RSRP1: variants seen among roughly 807,000 people sequenced by gnomAD.
RSRP1 encodes arginine/serine-rich protein 1.
RSRP1 carries 37 observed loss-of-function variants against 33.0 expected under a neutral mutation model. The observed-to-expected ratio is 1.12, with a 90% confidence interval of 0.86 to 1.48. The LOEUF (loss-of-function observed/expected upper bound fraction) is 1.48, where lower values mean the gene tolerates loss of function less well. Ranked by LOEUF, RSRP1 falls within the 40% of genes most tolerant of loss-of-function variation. RSRP1 has a pLI of 0.00. For missense variants in RSRP1, 402 were observed against 385.3 expected (o/e 1.04, Z -0.36); for synonymous variants, 167 against 158.7 (o/e 1.05, Z -0.40).
chr1:25,287,785 A>C (rs1642166829), intron 1 of RSRP1, among the ~76,000 whole-genome samples: 1 of 134,902 alleles, frequency 7.4e-6, no homozygotes, highest in Non-Finnish European at 1.8e-5. Flanking sequence ...GCAGTGGTAC[A>C]ATCATAGCTC....
intron 1 of RSRP1, chr1:25,337,117 G>C (rs530317392): frequency 8.2e-5 from 13 of 158,472 alleles, no homozygotes; most frequent in Non-Finnish European, 1.4e-4. Flanking sequence ...GTGTTCTTTC[G>C]GGTGCACCAT....
In RSRP1 at chr1:25,330,760, C is replaced by T. The variant is rs1207083275; in HGVS notation, c.-67+7218G>A. On this transcript the variant is annotated intron_variant, in intron 1 of 1. Transcript: ENST00000561867. ...TCTGCTTGGGCTACCATAACAGCAG[C>T]TTAAACTGTTGTTTAGCCACTCAGA... 2.3e-5 allele frequency among the ~76,000 whole-genome samples: 3 copies of T among 130,350 alleles called. 1 individual carries two copies. The highest frequency in any genetic ancestry group is 5.4e-5 in the Non-Finnish European group (3 of 55,392). The allele number at this position is 130,350 out of a possible 152,430, so 85.5% of individuals were successfully genotyped here.
rs753029645 is a variant in RSRP1 at position 25,242,638 on chromosome 1, G to C, written c.824C>G (p.Pro275Arg). 13 of 1,612,166 alleles carry C rather than the reference G, an allele frequency of 8.1e-6. No individual in the cohort carries two copies. Among genetic ancestry groups the C allele is most frequent in the Non-Finnish European group, 2.5e-6 (3 of 1,179,572 alleles). ...TGGACTTTTTTTCTGATCTATTTTTGGTGATCTTGAAGATGCCTCTTCTGT... is the reference window on the plus strand; with the variant it reads ...TGGACTTTTTTTCTGATCTATTTTTCGTGATCTTGAAGATGCCTCTTCTGT... The part of the protein sequence containing the change: ...AATEEASSRS[P>R]KIDQKKSPYG... The change falls in exon 5 of 5, where the codon CCA (proline) becomes CGA (arginine). Residue 275 changes from proline to arginine, a missense_variant. Coordinates refer to ENST00000243189, the MANE Select transcript of RSRP1 (RefSeq NM_020317.5).
chr1:25,307,028 G>T lies in RSRP1; in HGVS notation c.-67+30950C>A, dbSNP rs185741798. On this transcript the variant is annotated intron_variant, in intron 1 of 1. Coordinates refer to the RSRP1 transcript ENST00000561867. The stretch of plus-strand genomic sequence containing the variant: ...GGTCAAATAGGCCCAAGCCAATTGA[G>T]ACTGTGGTTCAGGTCGTGATGCAGA... 3 of 365,840 alleles carry T rather than the reference G, an allele frequency of 8.2e-6. 1 individual carries two copies. The highest frequency in any genetic ancestry group is 1.7e-5 in the Non-Finnish European group (3 of 177,706). 22.7% of individuals were successfully genotyped at this position (365,840 alleles called of 1,614,324 possible).
chr1:25,315,497 C>CTTT, intron 1 of RSRP1, among the ~76,000 whole-genome samples: 1 of 120,922 alleles, frequency 8.3e-6, no homozygotes, highest in South Asian at 2.4e-4. Flanking sequence ...TCTTTTCTTT[C>CTTT]TTTCTTTTTT....
At chr1:25,257,904 C>T (rs1305124574) in intron 1 of RSRP1, among the ~76,000 whole-genome samples, 3 of 152,172 alleles carry the variant, frequency 2.0e-5, no homozygotes, top group Non-Finnish European at 4.4e-5. Flanking sequence ...AGCCACCATA[C>T]CTGGCCCACA....
chr1:25,262,147 C>T (rs1375070837), intron 1 of RSRP1, among the ~76,000 whole-genome samples: 4 of 152,060 alleles, frequency 2.6e-5, no homozygotes, highest in Non-Finnish European at 4.4e-5. Flanking sequence ...AACTATAGTC[C>T]CTGTTATTAA....
rs1178739465 is a variant in RSRP1, at chr1:25,272,643, C to T, written c.-66-25614G>A. ...TCATTCTCCTCTTCTATTTTTTTAC[C>T]CACTATGACGCTTCCTTAGAGGATC... On this transcript the variant is annotated intron_variant, in intron 1 of 1. Transcript: ENST00000561867. 4 of 1,570,780 alleles carry T rather than the reference C, an allele frequency of 2.5e-6. 1 individual carries two copies. In the African/African-American group the frequency reaches 5.5e-5, roughly 22 times the overall value.
At chr1:25,253,998 T>C (rs1639871739) in intron 1 of RSRP1, 1 of 152,230 alleles carries the variant, frequency 6.6e-6, no homozygotes, top group African/African-American at 2.4e-5. Context: ...TTGTTGATCT[T>C]AGATCAGAGA....
In RSRP1 at chr1:25,300,346, T is replaced by C. The variant is rs1384878607; in HGVS notation, c.-67+37632A>G. ...GAGCAACATAGCAAGATTCCATCTT[T>C]ACACAAAATTTAAAAATTGGCCAGG... On this transcript the variant is annotated intron_variant, in intron 1 of 1. Transcript: ENST00000561867. Among the ~76,000 whole-genome samples the C allele has an allele frequency of 5.4e-5, 7 of 129,458 alleles. 2 individuals are homozygous for C. Among genetic ancestry groups the C allele is most frequent in the Admixed American group, 5.2e-4 (7 of 13,346 alleles). The allele number at this position is 129,458 out of a possible 152,430, so 84.9% of individuals were successfully genotyped here.
chr1:25,286,357 T>C (rs1287509760), intron 1 of RSRP1, among the ~76,000 whole-genome samples: 1 of 134,828 alleles, frequency 7.4e-6, no homozygotes, highest in African/African-American at 2.6e-5. Context: ...GGCGTGGTGG[T>C]GTGCACCCAC....
rs557082901 is a variant in RSRP1, at chr1:25,271,717, C to T, written c.-66-24688G>A. Reference sequence around the variant, plus strand: ...CTAAAGCTCATGCCAGGGGACTGGACTGTCCAGTACTGAGGGATGGGGATG... The same window carrying T: ...CTAAAGCTCATGCCAGGGGACTGGATTGTCCAGTACTGAGGGATGGGGATG... On this transcript the variant is annotated intron_variant, in intron 1 of 1. Transcript: ENST00000561867. 3.6e-4 allele frequency among the ~76,000 whole-genome samples: 48 copies of T among 132,008 alleles called. 3 individuals are homozygous for T. In the East Asian group the frequency reaches 4.7e-3, roughly 13 times the overall value. The allele number at this position is 132,008 out of a possible 152,430, so 86.6% of individuals were successfully genotyped here.
chr1:25,245,779 ATAT>A (rs1331149173), intron 2 of RSRP1, among the ~76,000 whole-genome samples: 3 of 152,078 alleles, frequency 2.0e-5, no homozygotes, highest in African/African-American at 7.2e-5. Flanking sequence ...GCTAATAGTG[ATAT>A]TATTTTGCTT....
At position 25,243,649 on chromosome 1, in the gene RSRP1, A is replaced by G; in HGVS notation, c.673-16T>C. The G allele has an allele frequency of 1.2e-6, 2 of 1,612,914 alleles. No homozygotes were observed. Among genetic ancestry groups the G allele is most frequent in the Non-Finnish European group, 1.7e-6 (2 of 1,179,448 alleles). The stretch of plus-strand genomic sequence containing the variant: ...TTTCCGACAGCTAGACAGGTTAAGA[A>G]AAAGTGTAATTTTAAAACACATACC... On this transcript the variant is annotated splice_polypyrimidine_tract_variant and intron_variant, in intron 3 of 4. Coordinates refer to ENST00000243189, the MANE Select transcript of RSRP1 (RefSeq NM_020317.5).
At chr1:25,259,217 C>T (rs571424187) in intron 1 of RSRP1, among the ~76,000 whole-genome samples, 13 of 152,180 alleles carry the variant, frequency 8.5e-5, no homozygotes, top group East Asian at 3.9e-4. Context: ...CCTCAGCCTC[C>T]GAAGTAGCTG....
intron 1 of RSRP1, among the ~76,000 whole-genome samples, chr1:25,279,899 C>G (rs1641324398): frequency 7.7e-6 from 1 of 129,178 alleles, no homozygotes; most frequent in African/African-American, 2.7e-5. Context: ...GCTTATCAAA[C>G]CAGCAGCTGA....
At position 25,269,390 on chromosome 1, in the gene RSRP1, G is replaced by A. The variant is rs1322336214; in HGVS notation, c.-66-22361C>T. ...TTGAAAAGCGTTAAGTCAAACCATCGTACGTCGGAGGCCATCTGTATCTGG... is the reference window on the plus strand; with the variant it reads ...TTGAAAAGCGTTAAGTCAAACCATCATACGTCGGAGGCCATCTGTATCTGG... On this transcript the variant is annotated intron_variant, in intron 1 of 1. Transcript: ENST00000561867. 1.5e-5 allele frequency among the ~76,000 whole-genome samples: 2 copies of A among 132,732 alleles called. 1 individual carries two copies. Among genetic ancestry groups the A allele is most frequent in the African/African-American group, 5.1e-5 (2 of 38,874 alleles). The allele number at this position is 132,732 out of a possible 152,430, so 87.1% of individuals were successfully genotyped here.
intron 1 of RSRP1, among the ~76,000 whole-genome samples, chr1:25,277,873 C>A (rs1195794811): frequency 7.6e-6 from 1 of 131,876 alleles, no homozygotes; most frequent in African/African-American, 2.6e-5. Context: ...GGGGTTTCTC[C>A]ATGTTGGTGA....
In RSRP1 at chr1:25,292,351, G is replaced by A. The variant is rs1196075113; in HGVS notation, c.-66-45322C>T. 3.5e-4 allele frequency among the ~76,000 whole-genome samples: 46 copies of A among 132,664 alleles called. 10 individuals are homozygous for A. The highest frequency in any genetic ancestry group is 1.1e-3 in the African/African-American group (43 of 38,942). The allele number at this position is 132,664 out of a possible 152,430, so 87.0% of individuals were successfully genotyped here. The stretch of plus-strand genomic sequence containing the variant: ...AAAGACTGAAGGGGCAAGAGAGGAA[G>A]CAGGTGGAGACCAGAGCGGCAGTGA... On this transcript the variant is annotated intron_variant, in intron 1 of 1. Transcript: ENST00000561867.
Sources: allele counts gnomAD v4.1 joint callset (sites outside exome capture counted in the v4.1 genomes callset), GRCh38; gene constraint gnomAD v4.1.1; transcripts MANE v1.5; gene names NCBI Gene and HGNC (gene_info 2026-07-23, HGNC 2026-07-21).